Variants in NCAPH observed in about 807,000 individuals in gnomAD.
The protein encoded by NCAPH is non-SMC condensin I complex subunit H, also known as condensin complex subunit 2.
A neutral mutation model predicts 85.5 loss-of-function variants in NCAPH; 38 were observed. The ratio of observed to expected loss-of-function variants is 0.44; its 90% CI spans 0.34 to 0.58. NCAPH has a LOEUF of 0.58. Among genes scored for constraint, NCAPH ranks in the 20% least tolerant of loss-of-function variants. The pLI is 0.01. For synonymous variants in NCAPH, 301 were observed against 335.1 expected, an observed-to-expected ratio of 0.90 and a Z score of 1.11; for missense variants, 789 against 916.6, an observed-to-expected ratio of 0.86 and a Z score of 1.80.
rs7609551 is a variant in NCAPH, at chr2:96,369,174, T to C, written c.2090+111T>C. ...CCTATGACATTTATAGTGGCTGTTC[T>C]GTTTTCTCTCTGTGTTGACAGATAA... On this transcript the variant is annotated intron_variant, in intron 16 of 17. Coordinates refer to ENST00000240423, the MANE Select transcript of NCAPH (RefSeq NM_015341.5). The C allele has an allele frequency of 4.8e-4, 546 of 1,146,246 alleles. 4 individuals are homozygous for C. In the African/African-American group the frequency reaches 7.8e-3, roughly 16 times the overall value. The allele number at this position is 1,146,246 out of a possible 1,614,324, so 71.0% of individuals were successfully genotyped here. A position where few individuals can be genotyped will look rare whatever the true frequency, so the allele number is the denominator to read the frequency against.
intron 14 of NCAPH, 148 bp downstream of exon 14, chr2:96,366,206 G>C (rs2064697424): frequency 1.2e-6 from 1 of 863,126 alleles, no homozygotes. Flanking sequence ...TTGTGGGAGT[G>C]AGCTGATGCT....
intron 8 of NCAPH, among the ~76,000 whole-genome samples, chr2:96,353,766 G>T (rs1451525478): frequency 6.6e-6 from 1 of 152,148 alleles, no homozygotes; most frequent in Non-Finnish European, 1.5e-5. Flanking sequence ...GCTCTTTGGG[G>T]TTGAATCCCT....
In NCAPH at chr2:96,340,579, C is replaced by T. The variant is rs1421833155; in HGVS notation, c.20-1063C>T. On this transcript the variant is annotated intron_variant, in intron 1 of 17. Coordinates refer to ENST00000240423, the MANE Select transcript of NCAPH (RefSeq NM_015341.5). ...CTAACTTTTGTATTTTTAGTGGAGACGGGGTTTCACCATATTGGCCAGCTG... is the reference window on the plus strand; with the variant it reads ...CTAACTTTTGTATTTTTAGTGGAGATGGGGTTTCACCATATTGGCCAGCTG... 5.3e-5 allele frequency among the ~76,000 whole-genome samples: 8 copies of T among 151,718 alleles called. No homozygotes were observed. In the East Asian group the frequency reaches 7.7e-4, roughly 15 times the overall value.
Position 96,360,752 on chromosome 2 carries a change from A to T in NCAPH, c.1587+42A>T, listed in dbSNP as rs750283732. The T allele has an allele frequency of 2.5e-6, 4 of 1,611,296 alleles. No homozygotes were observed. The African/African-American group carries it at 5.3e-5, about 22-fold the overall frequency. The stretch of plus-strand genomic sequence containing the variant: ...GTTCCTTTAAGCACACAAGGTATCA[A>T]GTGGCTGATAGTATGACAGTTAGGC... On this transcript the variant is annotated intron_variant, in intron 12 of 17. Coordinates refer to ENST00000240423, the MANE Select transcript of NCAPH (RefSeq NM_015341.5).
Position 96,365,912 on chromosome 2 carries a change from T to C in NCAPH, c.1735T>C (p.Phe579Leu), listed in dbSNP as rs1271466723. 11 of 1,614,084 alleles carry C rather than the reference T, an allele frequency of 6.8e-6. No homozygotes were observed. Among genetic ancestry groups the C allele is most frequent in the African/African-American group, 1.3e-5 (1 of 74,922 alleles). ...DSDDEDLDDL[F>L]VGPVGNSDLS... Reference sequence around the variant, plus strand: ...TGATGATGAAGATTTGGATGACTTATTTGTGGGACCTGTTGGGAACTCTGA... The same window carrying C: ...TGATGATGAAGATTTGGATGACTTACTTGTGGGACCTGTTGGGAACTCTGA... Residue 579 changes from phenylalanine to leucine, a missense_variant, in exon 14 of 18, where the codon TTT (phenylalanine) becomes CTT (leucine). By Grantham distance (22) the Phe-to-Leu change is conservative (BLOSUM62 0). Coordinates refer to ENST00000240423, the MANE Select transcript of NCAPH (RefSeq NM_015341.5).
intron 1 of NCAPH, 146 bp downstream of exon 1, chr2:96,335,994 T>C (rs1018847101): frequency 8.8e-6 from 3 of 338,998 alleles, no homozygotes; most frequent in Admixed American, 1.3e-4. Context: ...CAGAGGCCGG[T>C]GCGGGGGGAG....
At position 96,342,926 on chromosome 2, in the gene NCAPH, T is replaced by C; in HGVS notation, c.456+78T>C. The C allele has an allele frequency of 4.5e-6, 6 of 1,329,916 alleles. No individual in the cohort carries two copies. The South Asian group carries it at 7.3e-5, about 16-fold the overall frequency. The allele number at this position is 1,329,916 out of a possible 1,614,324, so 82.4% of individuals were successfully genotyped here. A position where few individuals can be genotyped will look rare whatever the true frequency, so the allele number is the denominator to read the frequency against. ...TACTACTTGGCATAACACAGTTGAA[T>C]GCTGCAAATACATGAGAGACTTCTC... On this transcript the variant is annotated intron_variant, in intron 4 of 17. Coordinates refer to ENST00000240423, the MANE Select transcript of NCAPH (RefSeq NM_015341.5).
chr2:96,340,548 G>A (rs867679734), intron 1 of NCAPH, among the ~76,000 whole-genome samples: 25 of 151,782 alleles, frequency 1.6e-4, no homozygotes, highest in Middle Eastern at 3.2e-3. Context: ...CCGCCCCCAC[G>A]TCCAGCTAAC....
In NCAPH at chr2:96,373,543, C is replaced by T. The variant is rs982782011; in HGVS notation, c.*192C>T. On this transcript the variant is annotated 3_prime_UTR_variant, in exon 18 of 18. Transcript: ENST00000240423. ...TGCCAGCGCCCTGAAGCTCCGTGCTCAACTGATTAAACTTTACTGCCCTAT... is the reference window on the plus strand; with the variant it reads ...TGCCAGCGCCCTGAAGCTCCGTGCTTAACTGATTAAACTTTACTGCCCTAT... The T allele has an allele frequency of 3.5e-6, 2 of 573,534 alleles. No individual in the cohort carries two copies. The highest frequency in any genetic ancestry group is 1.9e-5 in the African/African-American group (1 of 53,402). 35.5% of individuals were successfully genotyped at this position (573,534 alleles called of 1,614,324 possible). A position where few individuals can be genotyped will look rare whatever the true frequency, so the allele number is the denominator to read the frequency against.
rs979377667 is a variant in NCAPH, at chr2:96,369,328, A to T, written c.2091-97A>T. 7 of 1,043,144 alleles carry T rather than the reference A, an allele frequency of 6.7e-6. No homozygotes were observed. In the African/African-American group the frequency reaches 1.1e-4, roughly 17 times the overall value. 64.6% of individuals were successfully genotyped at this position (1,043,144 alleles called of 1,614,324 possible). On this transcript the variant is annotated intron_variant, in intron 16 of 17. Transcript: ENST00000240423. ...GCATCTGAAAGATTTGTTTCTCATTAGTTTAGTCATTGCATGTGTGTATTA... is the reference window on the plus strand; with the variant it reads ...GCATCTGAAAGATTTGTTTCTCATTTGTTTAGTCATTGCATGTGTGTATTA...
At chr2:96,373,234 TTA>T (rs2064796357) in intron 17 of NCAPH, 56 bp from the exon 18 acceptor site, 1 of 1,451,000 alleles carries the variant, frequency 6.9e-7, no homozygotes, top group Non-Finnish European at 9.7e-7. Flanking sequence ...TGATTGGAAT[TTA>T]TGATTCTTTT....
intron 16 of NCAPH, 61 bp from the exon 17 acceptor site, chr2:96,369,364 A>C (rs953876669): frequency 6.4e-6 from 9 of 1,395,930 alleles, no homozygotes; most frequent in Non-Finnish European, 8.2e-6. Flanking sequence ...TTCATACTTG[A>C]TGAACGAGCT....
At chr2:96,353,916 A>C (rs921070489) in intron 8 of NCAPH, among the ~76,000 whole-genome samples, 3 of 152,202 alleles carry the variant, frequency 2.0e-5, no homozygotes, top group African/African-American at 4.8e-5. Flanking sequence ...ACATGTAGTT[A>C]ATGGGTACAG....
chr2:96,354,455 T>C (rs2064494923), intron 9 of NCAPH, 67 bp downstream of exon 9: 2 of 1,287,306 alleles, frequency 1.6e-6, no homozygotes, highest in South Asian at 2.2e-5. Flanking sequence ...TCTTTTTCTT[T>C]TTTTTCTAAT....
Position 96,354,276 on chromosome 2 carries a change from G to A in NCAPH, c.1096G>A (p.Asp366Asn), listed in dbSNP as rs756806822. Residue 366 changes from aspartate to asparagine, a missense_variant, in exon 9 of 18, where the codon GAT becomes AAT. Physicochemically the swap from Asp to Asn is conservative, Grantham distance 23. Transcript: ENST00000240423. ...VDESDCGDFP[D>N]GSLGDDFDAN... ...CGAGAGTGACTGTGGAGACTTCCCC[G>A]ATGGGTCCCTGGGGGATGACTTTGA... 3.7e-6 allele frequency: 6 copies of A among 1,613,928 alleles called. No individual in the cohort carries two copies. In the Admixed American group the frequency reaches 5.0e-5, roughly 13 times the overall value.
At chr2:96,348,733 G>T (rs1444075463) in intron 6 of NCAPH, among the ~76,000 whole-genome samples, 1 of 151,846 alleles carries the variant, frequency 6.6e-6, no homozygotes, top group Non-Finnish European at 1.5e-5. Context: ...TTGGCTCACC[G>T]CAACCTCTGT....
At chr2:96,338,477 G>T (rs1039199737) in intron 1 of NCAPH, among the ~76,000 whole-genome samples, 12 of 152,144 alleles carry the variant, frequency 7.9e-5, no homozygotes, top group African/African-American at 2.7e-4. Flanking sequence ...TTGCCCTAAA[G>T]GTGTCCAGAA....
chr2:96,339,530 G>A (rs2064262497), intron 1 of NCAPH, among the ~76,000 whole-genome samples: 1 of 150,310 alleles, frequency 6.7e-6, no homozygotes. Context: ...AGGCGGAGTT[G>A]CAATGAGCTG....
At chr2:96,339,306 C>T (rs543679488) in intron 1 of NCAPH, among the ~76,000 whole-genome samples, 1 of 152,194 alleles carries the variant, frequency 6.6e-6, no homozygotes, top group African/African-American at 2.4e-5. Flanking sequence ...CAGTAGAAGT[C>T]TTTGGGCAGG....
Sources: gnomAD v4.1 joint callset for allele counts (sites outside exome capture counted in the v4.1 genomes callset) on GRCh38, gnomAD v4.1.1 for gene constraint, MANE v1.5 for transcripts, NCBI Gene and HGNC (gene_info 2026-07-23, HGNC 2026-07-21) for gene names.